The following ALG14 variants were observed in gnomAD, a reference collection of about 807,000 sequenced individuals.
ALG14 encodes the protein UDP-N-acetylglucosamine transferase subunit ALG14.
Under a neutral mutation model 22.8 loss-of-function variants are expected in ALG14, and 17 were observed. The observed-to-expected ratio is 0.75, with a 90% CI of 0.51 to 1.12. ALG14 has a LOEUF of 1.12. Ranked by LOEUF, ALG14 falls within the 50% of genes most tolerant of loss-of-function variation. The probability of loss-of-function intolerance (pLI) is 0.00; values close to 1 mark genes in which losing one functional copy is unlikely to be tolerated. For synonymous variants in ALG14, 89 were observed against 103.7 expected, an observed-to-expected ratio of 0.86 and a Z score of 0.86; for missense variants, 288 against 271.8, an observed-to-expected ratio of 1.06 and a Z score of -0.42.
chr1:95,056,911 G>A (rs1674954635), intron 2 of ALG14, among the ~76,000 whole-genome samples: 1 of 151,618 alleles, frequency 6.6e-6, no homozygotes, highest in Non-Finnish European at 1.5e-5. Context: ...ACAAAAATTA[G>A]CTGGGCATGG....
chr1:95,000,520 A>C (rs1008607289), intron 3 of ALG14, among the ~76,000 whole-genome samples: 4 of 142,046 alleles, frequency 2.8e-5, no homozygotes, highest in African/African-American at 1.1e-4. Flanking sequence ...TGCGTAACAG[A>C]GCAAGACCCT....
rs146218755 is a variant in ALG14, at chr1:94,988,844, TAC to T, written c.421-5540_421-5539del. The stretch of plus-strand genomic sequence containing the variant: ...TAACTTTTCATCTCAGTGTGAAAAA[TAC>T]AGAGAAGCACAAAAAAGAACACAAT... On this transcript the variant is annotated intron_variant, in intron 3 of 3. Coordinates refer to ENST00000370205, the MANE Select transcript of ALG14 (RefSeq NM_144988.4). Among the ~76,000 whole-genome samples, 712 of 152,206 alleles carry T rather than the reference TAC, an allele frequency of 4.7e-3. 3 individuals carry two copies. The highest frequency in any genetic ancestry group is 0.016 in the African/African-American group (673 of 41,538).
At chr1:94,983,381 C>T in intron 3 of ALG14, 75 bp from the exon 4 acceptor site, 1 of 1,243,610 alleles carries the variant, frequency 8.0e-7, no homozygotes, top group Admixed American at 2.0e-5. Context: ...TTAAGAACAG[C>T]CTGATTTCAG....
chr1:95,072,361 G>A (rs1302356054), intron 1 of ALG14, among the ~76,000 whole-genome samples: 1 of 152,110 alleles, frequency 6.6e-6, no homozygotes, highest in Non-Finnish European at 1.5e-5. Flanking sequence ...TTATAAATGT[G>A]ACAATTCATT....
At chr1:95,049,682 G>A (rs1165014078) in intron 2 of ALG14, among the ~76,000 whole-genome samples, 1 of 151,946 alleles carries the variant, frequency 6.6e-6, no homozygotes, top group Non-Finnish European at 1.5e-5. Context: ...GACCAGCCTG[G>A]GCAACATAAT....
intron 2 of ALG14, among the ~76,000 whole-genome samples, chr1:95,029,624 C>A (rs1448250727): frequency 6.6e-6 from 1 of 152,152 alleles, no homozygotes; most frequent in African/African-American, 2.4e-5. Context: ...GATAGAGAAG[C>A]CTTTTTCTAA....
chr1:95,014,284 T>C (rs2100753267), intron 3 of ALG14, among the ~76,000 whole-genome samples: 1 of 152,330 alleles, frequency 6.6e-6, no homozygotes, highest in African/African-American at 2.4e-5. Context: ...ACTATTCTGT[T>C]GGACATCCTG....
At position 94,975,230 on chromosome 1, in the gene ALG14, A is replaced by G. The variant is rs1269510853; in HGVS notation, c.*7846T>C. The G allele has an allele frequency of 1.3e-5, 2 of 152,360 alleles. No individual in the cohort carries two copies. Among genetic ancestry groups the G allele is most frequent in the East Asian group, 1.9e-4 (1 of 5,186 alleles). The allele number at this position is 152,360 out of a possible 1,614,324, so 9.4% of individuals were successfully genotyped here. A position where few individuals can be genotyped will look rare whatever the true frequency, so the allele number is the denominator to read the frequency against. ...GACTTGCCTACTCTGGACATTTCAT[A>G]TGAATAGAATCATGCATTTGTTGTC... On this transcript the variant is annotated 3_prime_UTR_variant, in exon 4 of 4. Transcript: ENST00000370205.
chr1:94,996,114 G>A (rs532865680), intron 3 of ALG14, among the ~76,000 whole-genome samples: 1 of 152,322 alleles, frequency 6.6e-6, no homozygotes, highest in South Asian at 2.1e-4. Flanking sequence ...AGCAAGTAGA[G>A]GAGTGACTCT....
intron 3 of ALG14, among the ~76,000 whole-genome samples, chr1:95,013,428 T>G (rs1320087020): frequency 6.6e-6 from 1 of 151,928 alleles, no homozygotes; most frequent in East Asian, 1.9e-4. Context: ...CCTCTGATTC[T>G]CCTGCCTCAG....
intron 2 of ALG14, among the ~76,000 whole-genome samples, chr1:95,051,492 C>T (rs188083321): frequency 3.9e-5 from 6 of 152,152 alleles, no homozygotes; most frequent in South Asian, 2.1e-4. Flanking sequence ...GTTTAGTCAG[C>T]GACTAAAGTG....
rs147389508 is a variant in ALG14 at position 95,052,502 on chromosome 1, G to A, written c.288+12364C>T. ...TAAAAATAAAAGGTTTGTTTTTCAG[G>A]AGGAGGATGGAGATATTATATTTTT... On this transcript the variant is annotated intron_variant, in intron 2 of 3. Coordinates refer to ENST00000370205, the MANE Select transcript of ALG14 (RefSeq NM_144988.4). Among the ~76,000 whole-genome samples the A allele has an allele frequency of 1.9e-4, 29 of 152,256 alleles. No homozygotes were observed. In the East Asian group the frequency reaches 5.6e-3, roughly 29 times the overall value.
chr1:94,995,641 G>C (rs145628558), intron 3 of ALG14, among the ~76,000 whole-genome samples: 1 of 152,194 alleles, frequency 6.6e-6, no homozygotes, highest in Non-Finnish European at 1.5e-5. Context: ...TGGACCTGGC[G>C]GGGCAGAGGA....
intron 2 of ALG14, among the ~76,000 whole-genome samples, chr1:95,064,392 A>G (rs1042024686): frequency 6.6e-6 from 1 of 152,152 alleles, no homozygotes; most frequent in African/African-American, 2.4e-5. Context: ...GCTTTTGTCC[A>G]TTCAGTATGA....
intron 3 of ALG14, among the ~76,000 whole-genome samples, chr1:95,026,416 C>A (rs1230204630): frequency 6.6e-6 from 1 of 151,176 alleles, no homozygotes; most frequent in Admixed American, 6.6e-5. Context: ...TATTAATTGG[C>A]CTAATTTCAA....
intron 2 of ALG14, among the ~76,000 whole-genome samples, chr1:95,060,391 A>G (rs981513108): frequency 6.6e-6 from 1 of 152,138 alleles, no homozygotes. Flanking sequence ...CCTACATTGC[A>G]CTTCGAAAAT....
In ALG14 at chr1:94,978,793, T is replaced by A. The variant is rs1377657637; in HGVS notation, c.*4283A>T. ...CCAACTACCTTCTACTCCGTCATAG[T>A]ACCCTGTTACCCCATTTATTTCCTT... On this transcript the variant is annotated 3_prime_UTR_variant, in exon 4 of 4. Transcript: ENST00000370205. 1.3e-5 allele frequency: 2 copies of A among 151,656 alleles called. No homozygotes were observed. The highest frequency in any genetic ancestry group is 4.9e-5 in the African/African-American group (2 of 41,172). The allele number at this position is 151,656 out of a possible 1,614,324, so 9.4% of individuals were successfully genotyped here.
chr1:95,000,973 A>G (rs1673049536), intron 3 of ALG14, among the ~76,000 whole-genome samples: 2 of 152,246 alleles, frequency 1.3e-5, no homozygotes, highest in Non-Finnish European at 2.9e-5. Flanking sequence ...ATTTCATTTT[A>G]GTCTCCACAG....
intron 3 of ALG14, among the ~76,000 whole-genome samples, chr1:94,998,001 T>C (rs984672657): frequency 6.6e-6 from 1 of 152,114 alleles, no homozygotes; most frequent in Non-Finnish European, 1.5e-5. Flanking sequence ...CAGGTTCTCA[T>C]TGAAGAGCCT....
Sources: allele counts gnomAD v4.1 joint callset (sites outside exome capture counted in the v4.1 genomes callset), GRCh38; gene constraint gnomAD v4.1.1; transcripts MANE v1.5; gene names NCBI Gene and HGNC (gene_info 2026-07-23, HGNC 2026-07-21).